Variants in TYW1 observed in about 807,000 individuals in gnomAD.
The protein encoded by TYW1 is S-adenosyl-L-methionine-dependent tRNA 4-demethylwyosine synthase TYW1.
A neutral mutation model predicts 96.2 loss-of-function variants in TYW1; 46 were observed. The observed-to-expected ratio is 0.48, with a 90% CI of 0.38 to 0.61. TYW1 has a LOEUF of 0.61. Ranked by LOEUF, TYW1 falls within the 20% of genes least tolerant of loss-of-function variation. The pLI, the probability that TYW1 is intolerant of heterozygous loss-of-function variation, is 0.00. For synonymous variants in TYW1, 274 were observed against 323.0 expected (o/e 0.85, Z 1.63); for missense variants, 684 against 909.6 (o/e 0.75, Z 3.19).
intron 15 of TYW1, among the ~76,000 whole-genome samples, chr7:67,217,303 C>T (rs73377200): frequency 0.098 from 14,919 of 152,086 alleles, 809 homozygotes; most frequent in Middle Eastern, 0.15. Flanking sequence ...CTTTTCTTGC[C>T]TATTCTCTAT....
intron 15 of TYW1, among the ~76,000 whole-genome samples, chr7:67,219,806 T>C (rs1414487502): frequency 6.6e-6 from 1 of 151,752 alleles, no homozygotes; most frequent in Non-Finnish European, 1.5e-5. Flanking sequence ...TTTGTCAATT[T>C]TGTTGATCTT....
In TYW1 at chr7:67,154,666, T is replaced by G. The variant is rs535978972; in HGVS notation, c.1699-28460T>G. ...ATAGTGTGCCTAGAGAAGACCTTTT[T>G]GGATTGAATATATGTGGGGATCTTT... is the stretch of plus-strand genomic sequence containing the variant. On this transcript the variant is annotated intron_variant, in intron 13 of 15. Transcript: ENST00000359626. Among the ~76,000 whole-genome samples the G allele has an allele frequency of 2.0e-5, 3 of 152,330 alleles. No individual in the cohort carries two copies. In the South Asian group the frequency reaches 6.2e-4, roughly 32 times the overall value.
chr7:67,211,869 C>T (rs1320266919), intron 15 of TYW1, among the ~76,000 whole-genome samples: 5 of 152,200 alleles, frequency 3.3e-5, no homozygotes, highest in African/African-American at 1.2e-4. Context: ...CAGCGTCTTT[C>T]CCCCTCTATG....
intron 15 of TYW1, among the ~76,000 whole-genome samples, chr7:67,216,561 G>T (rs1563075610): frequency 6.8e-6 from 1 of 146,786 alleles, no homozygotes; most frequent in Non-Finnish European, 1.5e-5. Flanking sequence ...TCTCTTGTTT[G>T]CTATTTCACT....
At position 67,006,344 on chromosome 7, in the gene TYW1, G is replaced by T. The variant is rs1167751773; in HGVS notation, c.274-3239G>T. ...GCTCCCTGAGGCCTCCTCAGAAGCA[G>T]ATGCCGTTACACTTCCTGTACAGTC... On this transcript the variant is annotated intron_variant, in intron 3 of 15. Coordinates refer to ENST00000359626, the MANE Select transcript of TYW1 (RefSeq NM_018264.4). Among the ~76,000 whole-genome samples the T allele has an allele frequency of 2.0e-5, 3 of 151,862 alleles. No homozygotes were observed. In the East Asian group the frequency reaches 5.8e-4, roughly 29 times the overall value.
chr7:67,195,816 T>C (rs1280878629), intron 15 of TYW1, among the ~76,000 whole-genome samples: 3 of 145,828 alleles, frequency 2.1e-5, no homozygotes, highest in African/African-American at 7.9e-5. Flanking sequence ...TTAGTCCTTT[T>C]ATTAGATAGA....
chr7:67,210,378 G>T (rs1800959082), intron 15 of TYW1, among the ~76,000 whole-genome samples: 1 of 152,168 alleles, frequency 6.6e-6, no homozygotes, highest in Admixed American at 6.5e-5. Context: ...TAACAATGCT[G>T]ACCTCGATCC....
chr7:67,061,135 C>T (rs1013302006), intron 9 of TYW1, among the ~76,000 whole-genome samples: 20 of 152,050 alleles, frequency 1.3e-4, no homozygotes, highest in African/African-American at 4.6e-4. Context: ...GGCTGAGGCA[C>T]GAAAATCATT....
chr7:67,171,246 A>G (rs542248263), intron 13 of TYW1, among the ~76,000 whole-genome samples: 2 of 152,026 alleles, frequency 1.3e-5, no homozygotes, highest in South Asian at 4.2e-4. Context: ...TATTTTCTCC[A>G]CTTTCATTTC....
chr7:67,212,286 G>T, intron 15 of TYW1, among the ~76,000 whole-genome samples: 1 of 144,370 alleles, frequency 6.9e-6, no homozygotes. Context: ...TTAGCAATAT[G>T]CATTTAAGAT....
chr7:67,135,613 T>TG (rs1024593602), intron 13 of TYW1, among the ~76,000 whole-genome samples: 1 of 151,826 alleles, frequency 6.6e-6, no homozygotes, highest in African/African-American at 2.4e-5. Context: ...AACAGTTTTT[T>TG]TTTTTTTTTT....
intron 6 of TYW1, among the ~76,000 whole-genome samples, chr7:67,019,763 A>G (rs999442034): frequency 1.3e-5 from 2 of 152,412 alleles, no homozygotes; most frequent in Non-Finnish European, 2.9e-5. Context: ...AGCAAAGGGA[A>G]CAAGGAGTGG....
chr7:67,029,401 G>GTATATATACATATATATATATACATA (rs1362181176), intron 7 of TYW1, among the ~76,000 whole-genome samples: 1 of 74,778 alleles, frequency 1.3e-5, no homozygotes, highest in South Asian at 4.2e-4. Flanking sequence ...GTGTGTGTGT[G>GTATATATACATATATATATATACATA]TGTGTGTGTG....
At chr7:67,018,206 A>C in intron 6 of TYW1, 63 bp downstream of exon 6, 1 of 1,559,272 alleles carries the variant, frequency 6.4e-7, no homozygotes, top group Non-Finnish European at 8.7e-7. Flanking sequence ...CTCGAGCTTG[A>C]CCTCTTTCTC....
intron 11 of TYW1, among the ~76,000 whole-genome samples, chr7:67,096,666 T>G (rs1256742803): frequency 1.3e-5 from 2 of 151,926 alleles, no homozygotes; most frequent in Non-Finnish European, 2.9e-5. Context: ...GTTGTACAGA[T>G]TATTTCATCA....
At chr7:67,043,150 C>T (rs773481665) in intron 7 of TYW1, among the ~76,000 whole-genome samples, 6 of 152,096 alleles carry the variant, frequency 3.9e-5, no homozygotes, top group Non-Finnish European at 8.8e-5. Flanking sequence ...ATTTGTCCAT[C>T]GTCAGTTGGC....
At chr7:67,040,716 G>A (rs1458562718) in intron 7 of TYW1, among the ~76,000 whole-genome samples, 4 of 151,888 alleles carry the variant, frequency 2.6e-5, no homozygotes, top group South Asian at 4.2e-4. Context: ...GTGATGGTGC[G>A]TGCCTATAAT....
Position 67,017,970 on chromosome 7 carries a change from A to G in TYW1, c.688A>G (p.Arg230Gly). The change falls in exon 6 of 16, where the codon AGA (arginine) becomes GGA (glycine). Residue 230 changes from arginine to glycine, a missense_variant. By Grantham distance (125) the Arg-to-Gly change is moderately radical. Coordinates refer to ENST00000359626, the MANE Select transcript of TYW1 (RefSeq NM_018264.4). The stretch of plus-strand genomic sequence containing the variant: ...GCACGGCAGCATTGAGGCCGACTTC[A>G]GAGCATGGAAGACCAAGTTCATCTC... ...SKHGSIEADF[R>G]AWKTKFISQL... 6.2e-7 allele frequency: 1 copy of G among 1,614,188 alleles called. No homozygotes were observed. Among genetic ancestry groups the G allele is most frequent in the South Asian group, 1.1e-5 (1 of 91,084 alleles).
intron 15 of TYW1, among the ~76,000 whole-genome samples, chr7:67,219,419 T>G (rs1489318808): frequency 6.6e-6 from 1 of 152,140 alleles, no homozygotes; most frequent in Non-Finnish European, 1.5e-5. Flanking sequence ...TTGAAAGTAT[T>G]CCCTCCTCTT....
Sources: allele counts gnomAD v4.1 joint callset (sites outside exome capture counted in the v4.1 genomes callset), GRCh38; gene constraint gnomAD v4.1.1; transcripts MANE v1.5; gene names NCBI Gene and HGNC (gene_info 2026-07-23, HGNC 2026-07-21).